The following TNFSF11 variants were observed in gnomAD, a reference collection of about 807,000 sequenced individuals.
TNFSF11 encodes the protein tumor necrosis factor ligand superfamily member 11.
TNFSF11 carries 12 observed loss-of-function variants against 32.2 expected under a neutral mutation model. The ratio of observed to expected loss-of-function variants is 0.37; its 90% CI spans 0.24 to 0.60. The LOEUF (loss-of-function observed/expected upper bound fraction) is 0.60, where lower values mean the gene tolerates loss of function less well. TNFSF11 is among the 20% of genes least tolerant of loss of function. The probability of loss-of-function intolerance (pLI) is 0.66; values close to 1 mark genes in which losing one functional copy is unlikely to be tolerated. For synonymous variants in TNFSF11, 172 were observed against 152.1 expected (o/e 1.13, Z -0.96); for missense variants, 345 against 398.0 (o/e 0.87, Z 1.13).
intron 2 of TNFSF11, among the ~76,000 whole-genome samples, chr13:42,600,376 T>C (rs1169978829): frequency 6.6e-6 from 1 of 152,216 alleles, no homozygotes; most frequent in African/African-American, 2.4e-5. Flanking sequence ...TTCCAGAAGA[T>C]TTAAGAGGGT....
At chr13:42,574,126 T>A (rs1333399962), upstream of TNFSF11, 45 of 758,130 alleles carry the variant, frequency 5.9e-5, no homozygotes, top group African/African-American at 1.8e-5. Context: ...AAGCGGTTTA[T>A]AAGAGTTGGG....
At chr13:42,600,821 T>C (rs1869132961) in intron 3 of TNFSF11, 24 bp downstream of exon 3, 1 of 1,614,044 alleles carries the variant, frequency 6.2e-7, no homozygotes, top group Non-Finnish European at 8.5e-7. Context: ...CATACATCTG[T>C]ATGAAATCCC....
At chr13:42,581,018 A>G (rs1240917234) in intron 1 of TNFSF11, 108 bp from the exon 2 acceptor site, 6 of 1,167,232 alleles carry the variant, frequency 5.1e-6, no homozygotes, top group Middle Eastern at 2.5e-4. Flanking sequence ...TGTTGGGGAC[A>G]TAAAGACTCT....
In TNFSF11 at chr13:42,607,024, C is replaced by T. The variant is rs971025009; in HGVS notation, c.*106C>T. 3.5e-6 allele frequency: 5 copies of T among 1,417,594 alleles called. No individual in the cohort carries two copies. Among genetic ancestry groups the T allele is most frequent in the African/African-American group, 1.4e-5 (1 of 70,774 alleles). The allele number at this position is 1,417,594 out of a possible 1,614,324, so 87.8% of individuals were successfully genotyped here. On this transcript the variant is annotated 3_prime_UTR_variant, in exon 5 of 5. Coordinates refer to ENST00000398795, the MANE Select transcript of TNFSF11 (RefSeq NM_003701.4). ...TGTGTGAGACTACTAAGAGGCATGG[C>T]CCCAACGGTACACGACTCAGTATCC...
intron 2 of TNFSF11, among the ~76,000 whole-genome samples, chr13:42,598,469 G>A (rs769371923): frequency 6.6e-6 from 1 of 152,244 alleles, no homozygotes; most frequent in Non-Finnish European, 1.5e-5. Flanking sequence ...GAGATGAACA[G>A]AGGAAGGTCT....
chr13:42,591,620 A>G (rs990807888), intron 2 of TNFSF11, among the ~76,000 whole-genome samples: 1 of 152,164 alleles, frequency 6.6e-6, no homozygotes, highest in African/African-American at 2.4e-5. Flanking sequence ...TTCATAAGGA[A>G]CCAGGGGTCA....
intron 2 of TNFSF11, among the ~76,000 whole-genome samples, chr13:42,581,516 CT>C (rs1245507251): frequency 6.6e-6 from 1 of 152,086 alleles, no homozygotes; most frequent in Non-Finnish European, 1.5e-5. Context: ...TCTTTCTTTT[CT>C]TTTTTCTTTT....
chr13:42,563,955 A>G (rs900181972), intron 1 of TNFSF11, among the ~76,000 whole-genome samples: 5 of 152,120 alleles, frequency 3.3e-5, no homozygotes, highest in African/African-American at 1.2e-4. Context: ...TGGAACTCCA[A>G]TTACACATAT....
rs796215277 is a variant in TNFSF11 at position 42,604,938 on chromosome 13, C to T, written c.533-1559C>T. On this transcript the variant is annotated intron_variant, in intron 4 of 4. Coordinates refer to ENST00000398795, the MANE Select transcript of TNFSF11 (RefSeq NM_003701.4). ...AGCTGGGATTACGGGCGCCTGCCAC[C>T]GCGCCCAGCTAATTTTTTGTATTTT... is the stretch of plus-strand genomic sequence containing the variant. Among the ~76,000 whole-genome samples, 5 of 152,244 alleles carry T rather than the reference C, an allele frequency of 3.3e-5. 1 individual carries two copies. The highest frequency in any genetic ancestry group is 2.1e-4 in the South Asian group (1 of 4,822).
At position 42,598,543 on chromosome 13, in the gene TNFSF11, G is replaced by T. The variant is rs371403522; in HGVS notation, c.388-2209G>T. On this transcript the variant is annotated intron_variant, in intron 2 of 4. Transcript: ENST00000398795. ...TGGGAAATAAGAAACTGCTATCAAG[G>T]CATGTCCCTGTTACATGTCAGACCC... Among the ~76,000 whole-genome samples, 10 of 152,238 alleles carry T rather than the reference G, an allele frequency of 6.6e-5. No homozygotes were observed. In the South Asian group the frequency reaches 1.7e-3, roughly 25 times the overall value.
intron 2 of TNFSF11, among the ~76,000 whole-genome samples, chr13:42,599,530 T>TC (rs1869049986): frequency 6.6e-6 from 1 of 152,142 alleles, no homozygotes; most frequent in Non-Finnish European, 1.5e-5. Context: ...TGGTTTTTTT[T>TC]CAGTATCCTT....
At chr13:42,570,072 A>G (rs1392404635), upstream of TNFSF11, among the ~76,000 whole-genome samples, 1 of 152,222 alleles carries the variant, frequency 6.6e-6, no homozygotes, top group Admixed American at 6.5e-5. Context: ...TATAACTCAC[A>G]CAAATAAAAC....
In TNFSF11 at chr13:42,574,366, C is replaced by T; in HGVS notation, c.63C>T (p.Gly21=). 6.5e-7 allele frequency: 1 copy of T among 1,541,672 alleles called. No homozygotes were observed. Among genetic ancestry groups the T allele is most frequent in the Non-Finnish European group, 8.7e-7 (1 of 1,144,950 alleles). Residue 21 remains glycine, a synonymous_variant, in exon 1 of 5, where the codon GGC becomes GGT. Coordinates refer to ENST00000398795, the MANE Select transcript of TNFSF11 (RefSeq NM_003701.4). The part of the protein sequence containing the change: ...YLRGSEEMGG[G]PGAPHEGPLH... ...GTGGCTCGGAGGAGATGGGCGGCGG[C>T]CCCGGAGCCCCGCACGAGGGCCCCC...
At chr13:42,590,790 T>C (rs949818711) in intron 2 of TNFSF11, among the ~76,000 whole-genome samples, 1 of 152,222 alleles carries the variant, frequency 6.6e-6, no homozygotes, top group Non-Finnish European at 1.5e-5. Context: ...CAAGGGGACC[T>C]TTATCTGTAG....
chr13:42,587,927 G>A (rs2148072), intron 2 of TNFSF11, among the ~76,000 whole-genome samples: 51,008 of 152,052 alleles, frequency 0.34, 8,872 homozygotes, highest in Middle Eastern at 0.5. Flanking sequence ...TTTCTCATTT[G>A]CCTATTAGTT....
At chr13:42,577,489 T>C (rs1378846686) in intron 1 of TNFSF11, among the ~76,000 whole-genome samples, 3 of 151,986 alleles carry the variant, frequency 2.0e-5, no homozygotes, top group Non-Finnish European at 4.4e-5. Context: ...ATTCATACTT[T>C]GGTTTACAAA....
chr13:42,563,806 G>C (rs747871573), intron 1 of TNFSF11, among the ~76,000 whole-genome samples: 3 of 152,118 alleles, frequency 2.0e-5, no homozygotes, highest in Non-Finnish European at 4.4e-5. Flanking sequence ...GTTTGGCTAG[G>C]TGTAGATTTC....
intron 1 of TNFSF11, 138 bp downstream of exon 1, chr13:42,574,660 G>A: frequency 8.8e-7 from 1 of 1,141,212 alleles, no homozygotes; most frequent in Non-Finnish European, 1.3e-6. Context: ...CCAGAAGGGA[G>A]AGAGGAAGTG....
chr13:42,583,444 GAAGA>G (rs150658951), intron 2 of TNFSF11, among the ~76,000 whole-genome samples: 3,287 of 94,284 alleles, frequency 0.035, 214 homozygotes, highest in East Asian at 0.06. Flanking sequence ...AAAAAGAAAG[GAAGA>G]AAGGAAGGAA....
Sources: gnomAD v4.1 joint callset for allele counts (sites outside exome capture counted in the v4.1 genomes callset) on GRCh38, gnomAD v4.1.1 for gene constraint, MANE v1.5 for transcripts, NCBI Gene and HGNC (gene_info 2026-07-23, HGNC 2026-07-21) for gene names.